The following ERC2 variants were observed in gnomAD, a reference collection of about 807,000 sequenced individuals.
ERC2 encodes ERC protein 2.
In ERC2, 42 loss-of-function variants were observed where a neutral mutation model predicts 114.8. That is an observed-to-expected ratio of 0.37 (90% CI 0.29 to 0.47). The LOEUF (loss-of-function observed/expected upper bound fraction) is 0.47, where lower values mean the gene tolerates loss of function less well. Ranked by LOEUF, ERC2 falls within the 20% of genes least tolerant of loss-of-function variation. The pLI is 0.99. For synonymous variants in ERC2, 454 were observed against 425.5 expected (o/e 1.07, Z -0.82); for missense variants, 939 against 1,150.7 (o/e 0.82, Z 2.66).
intron 2 of ERC2, among the ~76,000 whole-genome samples, chr3:56,423,939 A>G (rs2061476743): frequency 6.6e-6 from 1 of 152,186 alleles, no homozygotes; most frequent in African/African-American, 2.4e-5. Context: ...GAATTTGCAC[A>G]CAGATGTCAA....
chr3:56,123,747 G>A (rs1393902331), intron 6 of ERC2, among the ~76,000 whole-genome samples: 1 of 152,168 alleles, frequency 6.6e-6, no homozygotes, highest in Non-Finnish European at 1.5e-5. Context: ...AATACCTCCT[G>A]TGGCTCCCCA....
intron 15 of ERC2, among the ~76,000 whole-genome samples, chr3:55,718,052 C>T (rs1177337469): frequency 1.3e-5 from 2 of 152,134 alleles, no homozygotes; most frequent in Non-Finnish European, 2.9e-5. Context: ...TTAGGTGTGG[C>T]TAAGAAGACA....
At chr3:56,274,156 T>C (rs2053841005) in intron 3 of ERC2, among the ~76,000 whole-genome samples, 1 of 152,172 alleles carries the variant, frequency 6.6e-6, no homozygotes, top group Non-Finnish European at 1.5e-5. Flanking sequence ...CCCCCTGCTA[T>C]CAGCTCAGCA....
intron 1 of ERC2, among the ~76,000 whole-genome samples, chr3:56,453,761 C>T (rs2062930686): frequency 6.6e-6 from 1 of 152,170 alleles, no homozygotes; most frequent in African/African-American, 2.4e-5. Flanking sequence ...CAAATAGCTG[C>T]TCCTGGTGCT....
chr3:56,376,459 CA>C (rs35882741), intron 2 of ERC2, among the ~76,000 whole-genome samples: 50,173 of 143,456 alleles, frequency 0.35, 8,377 homozygotes, highest in African/African-American at 0.39. Context: ...TAATTGCTCC[CA>C]AAAAAAAAAA....
At chr3:55,876,148 A>T (rs2062827114) in intron 14 of ERC2, among the ~76,000 whole-genome samples, 1 of 152,210 alleles carries the variant, frequency 6.6e-6, no homozygotes, top group Non-Finnish European at 1.5e-5. Context: ...CTCCCTTAAA[A>T]TCCTCTGAGT....
At chr3:56,344,791 C>A (rs1025183183) in intron 2 of ERC2, among the ~76,000 whole-genome samples, 1 of 152,142 alleles carries the variant, frequency 6.6e-6, no homozygotes, top group Non-Finnish European at 1.5e-5. Flanking sequence ...TGCCACAGAT[C>A]ACAATAGTTT....
rs140903715 is a variant in ERC2 at position 56,133,235 on chromosome 3, C to T, written c.1473+6274G>A. Among the ~76,000 whole-genome samples, 466 of 152,180 alleles carry T rather than the reference C, an allele frequency of 3.1e-3. 3 individuals carry two copies. The highest frequency in any genetic ancestry group is 9.6e-3 in the African/African-American group (399 of 41,530). On this transcript the variant is annotated intron_variant, in intron 6 of 17. Coordinates refer to ENST00000288221, the MANE Select transcript of ERC2 (RefSeq NM_015576.3). The stretch of plus-strand genomic sequence containing the variant: ...GGCAAATTGCTTCAGCCCAGGAGTT[C>T]GAAACCAGCCTGGGCAACATGGCAA...
At chr3:55,957,536 TG>T (rs902002953) in intron 12 of ERC2, among the ~76,000 whole-genome samples, 10 of 152,186 alleles carry the variant, frequency 6.6e-5, no homozygotes, top group Admixed American at 3.9e-4. Flanking sequence ...CACCCCTGCT[TG>T]GGTTTTGCTT....
chr3:56,425,876 G>A (rs1279015197), intron 2 of ERC2, among the ~76,000 whole-genome samples: 1 of 152,124 alleles, frequency 6.6e-6, no homozygotes, highest in Non-Finnish European at 1.5e-5. Context: ...CACATGACTA[G>A]ACATCTAGAG....
chr3:56,060,415 AG>A, intron 7 of ERC2, among the ~76,000 whole-genome samples: 1 of 152,264 alleles, frequency 6.6e-6, no homozygotes, highest in East Asian at 1.9e-4. Flanking sequence ...TAGGATTAAA[AG>A]AAACAATCCA....
At chr3:56,376,897 G>A (rs1449037568) in intron 2 of ERC2, among the ~76,000 whole-genome samples, 2 of 152,144 alleles carry the variant, frequency 1.3e-5, no homozygotes, top group African/African-American at 4.8e-5. Flanking sequence ...CAATACATGG[G>A]AGGCTATTTC....
intron 3 of ERC2, among the ~76,000 whole-genome samples, chr3:56,293,079 T>A (rs1033725180): frequency 2.6e-5 from 4 of 152,188 alleles, no homozygotes; most frequent in Non-Finnish European, 5.9e-5. Flanking sequence ...AACGAAGGAA[T>A]GAATGGATGG....
chr3:55,729,827 G>A, intron 15 of ERC2, among the ~76,000 whole-genome samples: 1 of 34,426 alleles, frequency 2.9e-5, no homozygotes, highest in African/African-American at 1.4e-4. Flanking sequence ...AATGCAGTGA[G>A]ACTCTATCGC....
chr3:56,096,357 G>C (rs1413353245), intron 6 of ERC2, among the ~76,000 whole-genome samples: 2 of 152,244 alleles, frequency 1.3e-5, no homozygotes, highest in East Asian at 3.9e-4. Flanking sequence ...GCATTTTTGA[G>C]ACAGGGTGAG....
intron 13 of ERC2, among the ~76,000 whole-genome samples, chr3:55,888,986 A>T (rs1487771020): frequency 2.6e-5 from 4 of 152,336 alleles, no homozygotes; most frequent in Non-Finnish European, 4.4e-5. Flanking sequence ...AAATTTCTCC[A>T]AGGTCCTTGT....
At chr3:55,645,713 G>GTT (rs2060366911) in intron 17 of ERC2, among the ~76,000 whole-genome samples, 2 of 152,300 alleles carry the variant, frequency 1.3e-5, no homozygotes, top group South Asian at 4.1e-4. Context: ...AAAACGGGAA[G>GTT]GATGTCTGAG....
chr3:56,301,495 C>T (rs2055871924), intron 2 of ERC2, among the ~76,000 whole-genome samples: 2 of 152,052 alleles, frequency 1.3e-5, no homozygotes, highest in South Asian at 4.1e-4. Context: ...TCCATCCTCC[C>T]TCTCCCCTCT....
intron 4 of ERC2, among the ~76,000 whole-genome samples, chr3:56,154,990 A>G (rs1033493038): frequency 6.6e-6 from 1 of 152,204 alleles, no homozygotes; most frequent in African/African-American, 2.4e-5. Flanking sequence ...TGCTAATCCT[A>G]TAACCTAAGT....
Sources: gnomAD v4.1 joint callset for allele counts (sites outside exome capture counted in the v4.1 genomes callset) on GRCh38, gnomAD v4.1.1 for gene constraint, MANE v1.5 for transcripts, NCBI Gene and HGNC (gene_info 2026-07-23, HGNC 2026-07-21) for gene names.